Variants in NTAQ1 observed in about 807,000 individuals in gnomAD.
NTAQ1 encodes N-terminal glutamine amidase 1, also known as protein N-terminal glutamine amidohydrolase.
In NTAQ1, 21 loss-of-function variants were observed where a neutral mutation model predicts 28.2. The ratio of observed to expected loss-of-function variants is 0.74; its 90% CI spans 0.53 to 1.07. The LOEUF (loss-of-function observed/expected upper bound fraction) is 1.07. Ranked by LOEUF, NTAQ1 falls within the 50% of genes least tolerant of loss-of-function variation. The pLI, the probability that NTAQ1 is intolerant of heterozygous loss-of-function variation, is 0.00. For missense variants in NTAQ1, 264 were observed against 256.6 expected, an observed-to-expected ratio of 1.03 and a Z score of -0.20; for synonymous variants, 105 against 90.0, an observed-to-expected ratio of 1.17 and a Z score of -0.94.
chr8:123,428,153 C>A, intron 2 of NTAQ1, 130 bp downstream of exon 2: 1 of 600,316 alleles, frequency 1.7e-6, no homozygotes, highest in Non-Finnish European at 2.7e-6. Context: ...TTAAATACAG[C>A]AACATTTAAA....
chr8:123,449,200 A>G (rs1195542529), downstream of NTAQ1, among the ~76,000 whole-genome samples: 1 of 152,210 alleles, frequency 6.6e-6, no homozygotes, highest in Non-Finnish European at 1.5e-5. Context: ...GGTTGACAGC[A>G]GTACACACCA....
intron 6 of NTAQ1, among the ~76,000 whole-genome samples, chr8:123,453,421 G>A (rs1469056271): frequency 2.0e-5 from 2 of 101,384 alleles, no homozygotes; most frequent in Non-Finnish European, 3.8e-5. Context: ...GAAGTGTTTT[G>A]TTGCTTTTTT....
At chr8:123,457,163 T>C (rs938124970) in intron 6 of NTAQ1, among the ~76,000 whole-genome samples, 2 of 152,152 alleles carry the variant, frequency 1.3e-5, no homozygotes, top group African/African-American at 4.8e-5. Context: ...GCCTCCCTGG[T>C]TCAAGCAATT....
downstream of NTAQ1, among the ~76,000 whole-genome samples, chr8:123,450,778 C>T (rs11780128): frequency 0.3 from 46,150 of 152,064 alleles, 7,482 homozygotes; most frequent in South Asian, 0.45. Flanking sequence ...TGCTTTTTTT[C>T]CTTGACCTCT....
At chr8:123,463,490 T>C (rs1490339858) in intron 6 of NTAQ1, among the ~76,000 whole-genome samples, 1 of 152,248 alleles carries the variant, frequency 6.6e-6, no homozygotes, top group East Asian at 1.9e-4. Flanking sequence ...TTCTCTTTGA[T>C]TGATATTGTT....
downstream of NTAQ1, among the ~76,000 whole-genome samples, chr8:123,470,104 A>G (rs556893505): frequency 2.6e-5 from 4 of 152,324 alleles, no homozygotes; most frequent in East Asian, 1.9e-4. Context: ...TTTCTGCCAC[A>G]TGAGGACACA....
At chr8:123,452,921 A>T (rs1031309762), downstream of NTAQ1, among the ~76,000 whole-genome samples, 2 of 152,140 alleles carry the variant, frequency 1.3e-5, no homozygotes, top group Non-Finnish European at 2.9e-5. Flanking sequence ...AAAACAAAAA[A>T]CAAAATTGCA....
downstream of NTAQ1, among the ~76,000 whole-genome samples, chr8:123,474,144 T>G (rs1460764306): frequency 6.6e-6 from 1 of 152,186 alleles, no homozygotes; most frequent in East Asian, 1.9e-4. Context: ...ACTGGGAAAT[T>G]AACATTGCTA....
downstream of NTAQ1, among the ~76,000 whole-genome samples, chr8:123,470,931 C>CT (rs1021077081): frequency 3.7e-4 from 45 of 122,880 alleles, no homozygotes; most frequent in African/African-American, 1.4e-3. Context: ...TTTTTTTTTT[C>CT]TTTTTTTGAG....
chr8:123,441,348 A>C lies in NTAQ1; in HGVS notation c.551A>C (p.Lys184Thr). The C allele has an allele frequency of 6.2e-7, 1 of 1,612,534 alleles. No homozygotes were observed. Among genetic ancestry groups the C allele is most frequent in the East Asian group, 2.2e-5 (1 of 44,812 alleles). ...NLNDFISMDP[K>T]VGWGAVYTLS... ...AACGATTTCATCAGTATGGATCCCA[A>C]GGTAGGATGGGGCGCCGTCTACACA... The change falls in exon 6 of 6, where the codon AAG (lysine) becomes ACG (threonine). Residue 184 changes from lysine to threonine, a missense_variant. Physicochemically the swap from Lys to Thr is moderately conservative, Grantham distance 78 (BLOSUM62 -1). Coordinates refer to ENST00000287387, the MANE Select transcript of NTAQ1 (RefSeq NM_018024.3).
intron 1 of NTAQ1, among the ~76,000 whole-genome samples, chr8:123,425,704 T>C (rs1236368704): frequency 1.3e-5 from 2 of 152,076 alleles, no homozygotes; most frequent in African/African-American, 4.8e-5. Flanking sequence ...TTAGGTAGCA[T>C]GGCGTGGATG....
At chr8:123,460,813 C>T (rs964447522) in intron 6 of NTAQ1, among the ~76,000 whole-genome samples, 4 of 151,936 alleles carry the variant, frequency 2.6e-5, no homozygotes, top group Admixed American at 6.6e-5. Flanking sequence ...TTTGGTTTGA[C>T]GACGTAGTGG....
chr8:123,473,216 AGG>A (rs1429138790), downstream of NTAQ1, among the ~76,000 whole-genome samples: 1 of 152,126 alleles, frequency 6.6e-6, no homozygotes, highest in Non-Finnish European at 1.5e-5. Flanking sequence ...TACAGCCCTG[AGG>A]GACTTTTGTA....
At chr8:123,422,946 G>A (rs1201694876) in intron 1 of NTAQ1, among the ~76,000 whole-genome samples, 3 of 152,074 alleles carry the variant, frequency 2.0e-5, no homozygotes, top group Non-Finnish European at 4.4e-5. Flanking sequence ...AGATCAGATG[G>A]TTGTAAATGT....
At chr8:123,435,656 C>G (rs1179179982) in intron 3 of NTAQ1, 12 of 422,488 alleles carry the variant, frequency 2.8e-5, no homozygotes, top group Non-Finnish European at 3.2e-5. Flanking sequence ...CACTTGAGGC[C>G]AGAAGTTGGA....
downstream of NTAQ1, among the ~76,000 whole-genome samples, chr8:123,472,737 C>A (rs2130450142): frequency 6.6e-6 from 1 of 152,328 alleles, no homozygotes; most frequent in East Asian, 1.9e-4. Context: ...TTCTAAAGTT[C>A]TGGATAGACA....
At chr8:123,430,063 G>T (rs201788768) in intron 3 of NTAQ1, 30 bp downstream of exon 3, 3 of 1,588,296 alleles carry the variant, frequency 1.9e-6, no homozygotes, top group Middle Eastern at 1.7e-4. Flanking sequence ...GAGTATTGAC[G>T]CATTATGACT....
intron 6 of NTAQ1, among the ~76,000 whole-genome samples, chr8:123,456,713 T>C (rs1425954400): frequency 6.6e-6 from 1 of 152,242 alleles, no homozygotes; most frequent in African/African-American, 2.4e-5. Context: ...TCCTGTCTTC[T>C]GTCACTTAAA....
downstream of NTAQ1, among the ~76,000 whole-genome samples, chr8:123,443,687 A>G (rs2130346156): frequency 6.6e-6 from 1 of 151,896 alleles, no homozygotes; most frequent in African/African-American, 2.4e-5. Context: ...CGATCCTCCC[A>G]CCTCAGCCTT....
Sources: allele counts gnomAD v4.1 joint callset (sites outside exome capture counted in the v4.1 genomes callset), GRCh38; gene constraint gnomAD v4.1.1; transcripts MANE v1.5; gene names NCBI Gene and HGNC (gene_info 2026-07-23, HGNC 2026-07-21).